Variants in GABRB3 observed in about 807,000 individuals in gnomAD.
GABRB3 encodes gamma-aminobutyric acid receptor subunit beta-3.
Under a neutral mutation model 52.1 loss-of-function variants are expected in GABRB3, and 14 were observed. The ratio of observed to expected loss-of-function variants is 0.27; its 90% CI spans 0.18 to 0.42. The LOEUF is 0.42. GABRB3 is among the 10% of genes least tolerant of loss of function. The probability of loss-of-function intolerance (pLI) is 1.00; values close to 1 mark genes in which losing one functional copy is unlikely to be tolerated. For missense variants in GABRB3, 307 were observed against 609.1 expected (o/e 0.50, Z 5.22); for synonymous variants, 260 against 232.3 (o/e 1.12, Z -1.08).
intron 3 of GABRB3, among the ~76,000 whole-genome samples, chr15:26,751,426 A>T (rs1211999084): frequency 1.3e-5 from 2 of 152,214 alleles, no homozygotes; most frequent in Non-Finnish European, 2.9e-5. Context: ...AACACAGCCC[A>T]GCAGTAATAA....
intron 3 of GABRB3, among the ~76,000 whole-genome samples, chr15:26,650,179 C>T (rs1312367603): frequency 6.6e-6 from 1 of 152,148 alleles, no homozygotes. Context: ...ATGTACATCA[C>T]CCCACCACCT....
chr15:26,586,237 T>A (rs562437678), intron 4 of GABRB3, among the ~76,000 whole-genome samples: 28 of 152,158 alleles, frequency 1.8e-4, no homozygotes, highest in Admixed American at 5.2e-4. Context: ...CTGACCCCGA[T>A]CCACCCGCCT....
chr15:26,772,597 C>T (rs1891181149), intron 2 of GABRB3, 84 bp downstream of exon 2: 1 of 1,431,954 alleles, frequency 7.0e-7, no homozygotes, highest in Non-Finnish European at 9.4e-7. Context: ...CGCTGCTCCG[C>T]GGATGCGGCC....
chr15:26,747,752 G>T (rs1385610349), intron 3 of GABRB3, among the ~76,000 whole-genome samples: 1 of 152,072 alleles, frequency 6.6e-6, no homozygotes, highest in Admixed American at 6.6e-5. Context: ...GGTGAAAGTG[G>T]ATATCTTTGC....
chr15:26,582,532 G>A (rs1311439196), intron 5 of GABRB3, among the ~76,000 whole-genome samples: 1 of 152,128 alleles, frequency 6.6e-6, no homozygotes, highest in Non-Finnish European at 1.5e-5. Context: ...ACACGACAGT[G>A]ATGTAGGGTG....
At chr15:26,634,693 A>C (rs1892998616) in intron 3 of GABRB3, among the ~76,000 whole-genome samples, 1 of 152,048 alleles carries the variant, frequency 6.6e-6, no homozygotes, top group African/African-American at 2.4e-5. Context: ...ATAAGGGAGC[A>C]GATGTTCCAA....
At chr15:26,598,658 T>C (rs1291273130) in intron 4 of GABRB3, among the ~76,000 whole-genome samples, 4 of 152,006 alleles carry the variant, frequency 2.6e-5, no homozygotes, top group African/African-American at 4.8e-5. Context: ...GAAAAGAAAA[T>C]TGGAGGCAGT....
At chr15:26,551,898 G>A (rs1434086883) in intron 8 of GABRB3, among the ~76,000 whole-genome samples, 1 of 152,170 alleles carries the variant, frequency 6.6e-6, no homozygotes, top group Admixed American at 6.5e-5. Flanking sequence ...CACGTGATGT[G>A]GGGAGGTGAG....
At chr15:26,641,445 AC>A (rs933981790) in intron 3 of GABRB3, among the ~76,000 whole-genome samples, 1 of 152,236 alleles carries the variant, frequency 6.6e-6, no homozygotes, top group African/African-American at 2.4e-5. Context: ...AAGTGAATTG[AC>A]TGGCATAGCT....
intron 3 of GABRB3, among the ~76,000 whole-genome samples, chr15:26,719,099 C>T (rs1889577217): frequency 6.6e-6 from 1 of 152,262 alleles, no homozygotes; most frequent in African/African-American, 2.4e-5. Flanking sequence ...TCTGGGCAGG[C>T]ACATGCACAT....
intron 4 of GABRB3, among the ~76,000 whole-genome samples, chr15:26,587,784 C>A (rs1467916197): frequency 1.3e-5 from 2 of 152,102 alleles, no homozygotes; most frequent in Non-Finnish European, 2.9e-5. Context: ...TGTGTAATCC[C>A]CAACACTCAC....
At chr15:26,554,190 A>AAAGAGTAT (rs1567097853) in intron 8 of GABRB3, among the ~76,000 whole-genome samples, 3 of 31,538 alleles carry the variant, frequency 9.5e-5, no homozygotes, top group Non-Finnish European at 1.3e-4. Flanking sequence ...ATATATATAT[A>AAAGAGTAT]CTATATATAT....
chr15:26,771,852 C>G (rs1891153863), intron 3 of GABRB3: 1 of 152,428 alleles, frequency 6.6e-6, no homozygotes, highest in South Asian at 2.1e-4. Context: ...CTGGCGGTGC[C>G]GGGCCCGGGT....
At chr15:26,575,214 T>C (rs1404976076) in intron 6 of GABRB3, among the ~76,000 whole-genome samples, 2 of 152,218 alleles carry the variant, frequency 1.3e-5, no homozygotes, top group African/African-American at 4.8e-5. Flanking sequence ...CTGTCTTCTG[T>C]AATGAGACAT....
chr15:26,548,390 T>C (rs1407079115), intron 8 of GABRB3, among the ~76,000 whole-genome samples: 1 of 152,168 alleles, frequency 6.6e-6, no homozygotes, highest in Non-Finnish European at 1.5e-5. Flanking sequence ...TTTTTCAAAT[T>C]GCAATTTCAC....
intron 3 of GABRB3, among the ~76,000 whole-genome samples, chr15:26,634,778 T>C (rs1893000932): frequency 6.6e-6 from 1 of 151,768 alleles, no homozygotes; most frequent in African/African-American, 2.4e-5. Context: ...CTCTCCTTTA[T>C]TTAAAACAGG....
intron 3 of GABRB3, among the ~76,000 whole-genome samples, chr15:26,765,731 C>A (rs1196044546): frequency 6.6e-6 from 1 of 152,092 alleles, no homozygotes; most frequent in East Asian, 1.9e-4. Context: ...AAGCAAACAA[C>A]CACACCCAAA....
chr15:26,576,414 A>G (rs1225184202), intron 6 of GABRB3, among the ~76,000 whole-genome samples: 1 of 152,224 alleles, frequency 6.6e-6, no homozygotes, highest in Non-Finnish European at 1.5e-5. Flanking sequence ...ATGTATTAGT[A>G]GTGCAAATTA....
chr15:26,628,552 T>C (rs1892796156), intron 3 of GABRB3, among the ~76,000 whole-genome samples: 1 of 152,048 alleles, frequency 6.6e-6, no homozygotes, highest in Non-Finnish European at 1.5e-5. Flanking sequence ...GATCTAAACC[T>C]AGAAGTAAAA....
Sources: allele counts gnomAD v4.1 joint callset (sites outside exome capture counted in the v4.1 genomes callset), GRCh38; gene constraint gnomAD v4.1.1; transcripts MANE v1.5; gene names NCBI Gene and HGNC (gene_info 2026-07-23, HGNC 2026-07-21).